LARS1: variants seen among roughly 807,000 people sequenced by gnomAD.
The protein encoded by LARS1 is leucine--tRNA ligase, cytoplasmic.
A neutral mutation model predicts 162.8 loss-of-function variants in LARS1; 100 were observed. That is an observed-to-expected ratio of 0.61 (90% CI 0.52 to 0.73). The LOEUF is 0.73. Ranked by LOEUF, LARS1 falls within the 30% of genes least tolerant of loss-of-function variation. The probability of loss-of-function intolerance (pLI) is 0.00; values close to 1 mark genes in which losing one functional copy is unlikely to be tolerated. For synonymous variants in LARS1, 457 were observed against 462.8 expected, an observed-to-expected ratio of 0.99 and a Z score of 0.16; for missense variants, 1,258 against 1,408.9, an observed-to-expected ratio of 0.89 and a Z score of 1.71.
At chr5:146,117,736 A>G (rs1283010060) in intron 31 of LARS1, among the ~76,000 whole-genome samples, 3 of 152,192 alleles carry the variant, frequency 2.0e-5, no homozygotes, top group South Asian at 2.1e-4. Flanking sequence ...CTATCATTCT[A>G]TGGTACCTAG....
At chr5:146,140,868 CAT>C (rs891794302) in intron 20 of LARS1, among the ~76,000 whole-genome samples, 49 of 151,846 alleles carry the variant, frequency 3.2e-4, no homozygotes, top group African/African-American at 9.2e-4. Flanking sequence ...CACACACACA[CAT>C]ATATATACAC....
intron 31 of LARS1, among the ~76,000 whole-genome samples, chr5:146,114,763 T>C (rs186872145): frequency 6.6e-6 from 1 of 151,244 alleles, no homozygotes; most frequent in African/African-American, 2.4e-5. Context: ...AAAAAAGCAG[T>C]GGCCGGGCAT....
intron 4 of LARS1, among the ~76,000 whole-genome samples, chr5:146,170,548 C>T (rs756971881): frequency 5.3e-5 from 8 of 151,652 alleles, no homozygotes; most frequent in Non-Finnish European, 8.8e-5. Flanking sequence ...TAGATGAAGA[C>T]GATAATATAA....
intron 2 of LARS1, among the ~76,000 whole-genome samples, chr5:146,173,074 G>A (rs1034662658): frequency 6.6e-6 from 1 of 152,110 alleles, no homozygotes. Flanking sequence ...TAGGTCAGGC[G>A]TGGTGGCTCA....
At chr5:146,128,037 G>C (rs754599403) in intron 27 of LARS1, among the ~76,000 whole-genome samples, 8 of 152,038 alleles carry the variant, frequency 5.3e-5, no homozygotes, top group Non-Finnish European at 1.2e-4. Context: ...AAGCAAAAAA[G>C]CCAAAGTTCA....
chr5:146,132,798 T>C (rs1752339987), intron 23 of LARS1, 100 bp downstream of exon 23: 2 of 836,910 alleles, frequency 2.4e-6, no homozygotes, highest in Non-Finnish European at 3.4e-6. Flanking sequence ...CATTAGTTTA[T>C]TTTATTAAAA....
intron 22 of LARS1, among the ~76,000 whole-genome samples, chr5:146,135,036 C>A (rs1470026221): frequency 6.6e-6 from 1 of 152,092 alleles, no homozygotes; most frequent in Non-Finnish European, 1.5e-5. Context: ...GACAGAGTTT[C>A]ACTCTTGTTG....
chr5:146,143,339 A>G, intron 19 of LARS1, 73 bp downstream of exon 19: 1 of 1,521,288 alleles, frequency 6.6e-7, no homozygotes, highest in Non-Finnish European at 8.9e-7. Context: ...TTATTAAAAC[A>G]TTTAAATACA....
chr5:146,119,477 T>C (rs1249705621), intron 31 of LARS1, among the ~76,000 whole-genome samples: 1 of 152,134 alleles, frequency 6.6e-6, no homozygotes, highest in Non-Finnish European at 1.5e-5. Context: ...TTTTAGAAAA[T>C]TTTTGTAGTG....
intron 5 of LARS1, among the ~76,000 whole-genome samples, chr5:146,167,836 G>A (rs941603323): frequency 9.6e-5 from 12 of 125,092 alleles, no homozygotes; most frequent in African/African-American, 2.8e-4. Context: ...GCCTACGACC[G>A]GCTTACGCCC....
At chr5:146,164,251 G>C (rs1561826990) in intron 6 of LARS1, 59 bp downstream of exon 6, 5 of 1,437,430 alleles carry the variant, frequency 3.5e-6, no homozygotes, top group Non-Finnish European at 3.9e-6. Context: ...ATAAAGCAAA[G>C]CACAATAAAA....
rs1470848542 is a variant in LARS1, at chr5:146,113,603, T to C, written c.*503A>G. 6.5e-6 allele frequency: 1 copy of C among 153,060 alleles called. No homozygotes were observed. Among genetic ancestry groups the C allele is most frequent in the African/African-American group, 2.4e-5 (1 of 41,436 alleles). 9.5% of individuals were successfully genotyped at this position (153,060 alleles called of 1,614,324 possible). On this transcript the variant is annotated 3_prime_UTR_variant, in exon 32 of 32. Transcript: ENST00000394434. Reference sequence around the variant, plus strand: ...GTTCTTTATACAAAATACTTAGTAATTGAAGTCAAGTCAAAATATTCTCAT... The same window carrying C: ...GTTCTTTATACAAAATACTTAGTAACTGAAGTCAAGTCAAAATATTCTCAT...
intron 15 of LARS1, among the ~76,000 whole-genome samples, chr5:146,147,128 T>A (rs533442373): frequency 6.6e-6 from 1 of 152,318 alleles, no homozygotes; most frequent in South Asian, 2.1e-4. Context: ...AAATGGCCCT[T>A]TCTAGATCTC....
At chr5:146,165,397 G>A (rs1169174247) in intron 5 of LARS1, among the ~76,000 whole-genome samples, 4 of 151,594 alleles carry the variant, frequency 2.6e-5, no homozygotes, top group Non-Finnish European at 5.9e-5. Flanking sequence ...TGGGCGTGGT[G>A]GCACACACCT....
chr5:146,168,093 A>G (rs1283616778), intron 5 of LARS1, 35 bp downstream of exon 5: 1 of 1,552,112 alleles, frequency 6.4e-7, no homozygotes, highest in Non-Finnish European at 8.8e-7. Flanking sequence ...AAAATATAAA[A>G]CTTCAACCAA....
intron 4 of LARS1, among the ~76,000 whole-genome samples, chr5:146,169,613 G>A (rs369081246): frequency 3.3e-5 from 5 of 151,634 alleles, no homozygotes; most frequent in African/African-American, 1.2e-4. Context: ...CAATGGCGCA[G>A]TTTCGGCTCA....
At chr5:146,168,586 G>A (rs1754125090) in intron 4 of LARS1, among the ~76,000 whole-genome samples, 1 of 152,058 alleles carries the variant, frequency 6.6e-6, no homozygotes, top group Non-Finnish European at 1.5e-5. Context: ...TTGGGAGGTT[G>A]AGGTGACAGG....
chr5:146,131,055 A>G lies in LARS1; in HGVS notation c.2451T>C (p.Phe817=), dbSNP rs1164791162. 1 of 1,599,032 alleles carries G rather than the reference A, an allele frequency of 6.3e-7. No homozygotes were observed. The part of the protein sequence containing the change: ...KTDQNYEKMM[F]KEALKTGFFE... ...AAAACCCTGTTTTCAAAGCTTCTTT[A>G]AACATCATCTTTTCATAGTTTTGAT... Residue 817 remains phenylalanine, a synonymous_variant, in exon 24 of 32, where the codon TTT becomes TTC. Coordinates refer to ENST00000394434, the MANE Select transcript of LARS1 (RefSeq NM_020117.11).
At position 146,165,005 on chromosome 5, in the gene LARS1, C is replaced by T. The variant is rs1753939099; in HGVS notation, c.433-534G>A. ...TACTGTGCTGGTAGAAACATGACTC[C>T]AGGCATTTTCAAACTCACAGAATTA... On this transcript the variant is annotated intron_variant, in intron 5 of 31. Coordinates refer to ENST00000394434, the MANE Select transcript of LARS1 (RefSeq NM_020117.11). 4.6e-5 allele frequency among the ~76,000 whole-genome samples: 7 copies of T among 152,156 alleles called. No homozygotes were observed. The South Asian group carries it at 1.5e-3, about 32-fold the overall frequency.
Sources: gnomAD v4.1 joint callset for allele counts (sites outside exome capture counted in the v4.1 genomes callset) on GRCh38, gnomAD v4.1.1 for gene constraint, MANE v1.5 for transcripts, NCBI Gene and HGNC (gene_info 2026-07-23, HGNC 2026-07-21) for gene names.